Variants in COLEC12 observed in about 807,000 individuals in gnomAD.
COLEC12 encodes the protein collectin subfamily member 12.
Under a neutral mutation model 71.1 loss-of-function variants are expected in COLEC12, and 33 were observed. The ratio of observed to expected loss-of-function variants is 0.46; its 90% CI spans 0.35 to 0.62. COLEC12 has a LOEUF of 0.62. Among genes scored for constraint, COLEC12 ranks in the 20% least tolerant of loss-of-function variants. COLEC12 has a pLI of 0.00. For synonymous variants in COLEC12, 350 were observed against 353.0 expected, an observed-to-expected ratio of 0.99 and a Z score of 0.10; for missense variants, 765 against 916.1, an observed-to-expected ratio of 0.84 and a Z score of 2.13.
At chr18:348,041 T>C in intron 4 of COLEC12, 24 bp downstream of exon 4, 4 of 1,474,816 alleles carry the variant, frequency 2.7e-6, no homozygotes, top group South Asian at 1.1e-5. Context: ...GGGGATTTCA[T>C]GGTTTAGTCT....
intron 2 of COLEC12, among the ~76,000 whole-genome samples, chr18:419,356 C>CGT (rs1916051814): frequency 6.6e-6 from 1 of 152,136 alleles, no homozygotes. Context: ...CAGGCGCATG[C>CGT]CACCACACTA....
chr18:385,483 C>T (rs1344771495), intron 2 of COLEC12, among the ~76,000 whole-genome samples: 1 of 151,980 alleles, frequency 6.6e-6, no homozygotes, highest in African/African-American at 2.4e-5. Context: ...CACCACCACA[C>T]CAAGCTAATT....
intron 2 of COLEC12, among the ~76,000 whole-genome samples, chr18:465,216 C>T (rs1203894417): frequency 6.6e-6 from 1 of 152,158 alleles, no homozygotes; most frequent in African/African-American, 2.4e-5. Flanking sequence ...AATTCTCGTG[C>T]CCCAGCCTCC....
intron 2 of COLEC12, among the ~76,000 whole-genome samples, chr18:384,701 C>G (rs1439160937): frequency 2.0e-5 from 3 of 152,198 alleles, no homozygotes; most frequent in African/African-American, 7.2e-5. Context: ...GAACTGGACT[C>G]CATGACCTTT....
intron 2 of COLEC12, among the ~76,000 whole-genome samples, chr18:469,721 T>C (rs1466627716): frequency 6.6e-6 from 1 of 152,158 alleles, no homozygotes; most frequent in African/African-American, 2.4e-5. Context: ...AGAATTTATA[T>C]GTGGATCCCT....
At chr18:351,064 C>T (rs1276855844) in intron 3 of COLEC12, among the ~76,000 whole-genome samples, 1 of 152,094 alleles carries the variant, frequency 6.6e-6, no homozygotes, top group Non-Finnish European at 1.5e-5. Flanking sequence ...TCTACCCACG[C>T]ATGACTGTGT....
chr18:323,183 G>A (rs1024096089), intron 8 of COLEC12, among the ~76,000 whole-genome samples: 13 of 152,154 alleles, frequency 8.5e-5, no homozygotes, highest in African/African-American at 3.1e-4. Context: ...CCAAGATCAT[G>A]CCACTGCACT....
chr18:397,046 T>C (rs959144680), intron 2 of COLEC12, among the ~76,000 whole-genome samples: 6 of 152,200 alleles, frequency 3.9e-5, no homozygotes, highest in Admixed American at 6.5e-5. Flanking sequence ...TGGATGGACC[T>C]TGTTGCTTTG....
chr18:409,012 T>A (rs2143631619), intron 2 of COLEC12, among the ~76,000 whole-genome samples: 3 of 152,080 alleles, frequency 2.0e-5, no homozygotes, highest in Middle Eastern at 3.4e-3. Context: ...TTTGTATTTT[T>A]TTTTGGAGAG....
intron 1 of COLEC12, among the ~76,000 whole-genome samples, chr18:495,979 A>T (rs1194420717): frequency 9.9e-5 from 15 of 152,212 alleles, no homozygotes; most frequent in Non-Finnish European, 1.5e-4. Flanking sequence ...CTATTATTAA[A>T]GGGAAGTCTG....
chr18:453,072 A>G (rs1304490595), intron 2 of COLEC12, among the ~76,000 whole-genome samples: 1 of 152,252 alleles, frequency 6.6e-6, no homozygotes, highest in Non-Finnish European at 1.5e-5. Flanking sequence ...GAACTTCTGA[A>G]CAACAAAGAG....
At chr18:413,531 A>G (rs1369052299) in intron 2 of COLEC12, among the ~76,000 whole-genome samples, 1 of 152,226 alleles carries the variant, frequency 6.6e-6, no homozygotes, top group Non-Finnish European at 1.5e-5. Context: ...TTATGTTTAC[A>G]CAAAAATATG....
intron 2 of COLEC12, among the ~76,000 whole-genome samples, chr18:361,169 C>T (rs569138671): frequency 7.0e-4 from 106 of 152,270 alleles, no homozygotes; most frequent in African/African-American, 2.5e-3. Context: ...CTACAGTGTG[C>T]CAGGTTCTGA....
intron 2 of COLEC12, among the ~76,000 whole-genome samples, chr18:474,084 A>T (rs183356499): frequency 1.6e-3 from 240 of 152,336 alleles, no homozygotes; most frequent in Admixed American, 2.7e-3. Context: ...TTAGTGCAGG[A>T]TCATTTATGA....
chr18:352,562 CTATT>C (rs1914547063), intron 3 of COLEC12, among the ~76,000 whole-genome samples: 1 of 152,020 alleles, frequency 6.6e-6, no homozygotes, highest in Non-Finnish European at 1.5e-5. Flanking sequence ...CAAAAGGAAA[CTATT>C]TTCCCTGCCC....
At chr18:357,265 A>T in intron 3 of COLEC12, 135 bp downstream of exon 3, 1 of 777,170 alleles carries the variant, frequency 1.3e-6, no homozygotes, top group Non-Finnish European at 2.0e-6. Flanking sequence ...TACAGAGATG[A>T]AGTTTATCAT....
chr18:499,427 G>C (rs933904535), intron 1 of COLEC12, among the ~76,000 whole-genome samples: 3 of 152,216 alleles, frequency 2.0e-5, no homozygotes, highest in African/African-American at 7.2e-5. Context: ...AAACTTTCCA[G>C]AGCCAAAAGT....
rs570153770 is a variant in COLEC12, at chr18:371,579, T to C, written c.59-14057A>G. ...GGGTAGGATGGAAAGGATCACAGAG[T>C]AGGGGATAGAAACAATTTTTTTTTA... is the stretch of plus-strand genomic sequence containing the variant. On this transcript the variant is annotated intron_variant, in intron 2 of 9. Transcript: ENST00000400256. 2.6e-5 allele frequency among the ~76,000 whole-genome samples: 4 copies of C among 151,776 alleles called. No homozygotes were observed. The South Asian group carries it at 8.4e-4, about 32-fold the overall frequency.
At chr18:349,868 G>A (rs2143481852) in intron 3 of COLEC12, among the ~76,000 whole-genome samples, 1 of 152,336 alleles carries the variant, frequency 6.6e-6, no homozygotes, top group Non-Finnish European at 1.5e-5. Flanking sequence ...CATTTGGAAA[G>A]GCTATATTTA....
Sources: allele counts gnomAD v4.1 joint callset (sites outside exome capture counted in the v4.1 genomes callset), GRCh38; gene constraint gnomAD v4.1.1; transcripts MANE v1.5; gene names NCBI Gene and HGNC (gene_info 2026-07-23, HGNC 2026-07-21).